Variants in GLB1L3 observed in about 807,000 individuals in gnomAD.
GLB1L3 encodes beta-galactosidase-1-like protein 3.
In GLB1L3, 89 loss-of-function variants were observed where a neutral mutation model predicts 89.5. That is an observed-to-expected ratio of 0.99 (90% CI 0.84 to 1.19). GLB1L3 has a LOEUF of 1.19. GLB1L3 is among the 50% of genes most tolerant of loss of function. The probability of loss-of-function intolerance (pLI) is 0.00; values close to 1 mark genes in which losing one functional copy is unlikely to be tolerated. For missense variants in GLB1L3, 812 were observed against 813.3 expected, an observed-to-expected ratio of 1.00 and a Z score of 0.02; for synonymous variants, 314 against 312.3, an observed-to-expected ratio of 1.01 and a Z score of -0.06.
intron 8 of GLB1L3, chr11:134,292,882 A>G: frequency 1.8e-6 from 1 of 549,626 alleles, no homozygotes; most frequent in South Asian, 2.1e-5. Flanking sequence ...CAGTCTAATC[A>G]TGTCAGGGAG....
At chr11:134,279,592 C>T (rs1940575304) in intron 3 of GLB1L3, among the ~76,000 whole-genome samples, 2 of 152,050 alleles carry the variant, frequency 1.3e-5, no homozygotes, top group African/African-American at 4.8e-5. Flanking sequence ...TCTCAAACTC[C>T]TGACCTCAGG....
intron 10 of GLB1L3, among the ~76,000 whole-genome samples, chr11:134,309,193 T>G (rs1942593932): frequency 6.6e-6 from 1 of 152,198 alleles, no homozygotes; most frequent in African/African-American, 2.4e-5. Context: ...AGAGTCAAAT[T>G]ATGTCAATAT....
At chr11:134,312,327 C>T in intron 13 of GLB1L3, 22 bp from the exon 14 acceptor site, 1 of 1,611,898 alleles carries the variant, frequency 6.2e-7, no homozygotes, top group Non-Finnish European at 8.5e-7. Flanking sequence ...TGGACTTCTG[C>T]TCTTGCCATT....
At chr11:134,317,163 T>C (rs1029816235) in intron 18 of GLB1L3, 5 of 152,326 alleles carry the variant, frequency 3.3e-5, no homozygotes, top group South Asian at 2.1e-4. Flanking sequence ...AGGACTTCCT[T>C]TAGCACTTCT....
chr11:134,307,096 C>T, intron 9 of GLB1L3, 28 bp from the exon 10 acceptor site: 1 of 1,571,038 alleles, frequency 6.4e-7, no homozygotes, highest in Non-Finnish European at 8.7e-7. Context: ...TTTTGCCAGA[C>T]TTAGTATTTG....
chr11:134,290,167 GTTCAGCCAGCATTATTTAATCGGTTGTA>G (rs1296124614), intron 7 of GLB1L3, among the ~76,000 whole-genome samples: 1,719 of 152,028 alleles, frequency 0.011, 27 homozygotes, highest in Non-Finnish European at 0.016. Context: ...CATCGGTTGT[GTTCAGCCAGCATTATTTAATCGGTTGTA>G]TTCAGCCAGC....
chr11:134,297,864 A>AG, intron 9 of GLB1L3, among the ~76,000 whole-genome samples: 3 of 127,694 alleles, frequency 2.3e-5, no homozygotes, highest in Admixed American at 9.5e-5. Flanking sequence ...TGTCTCAAAA[A>AG]AAAAAAAAAA....
Position 134,281,420 on chromosome 11 carries a change from G to A in GLB1L3, c.406G>A (p.Asp136Asn). The A allele has an allele frequency of 1.2e-6, 2 of 1,614,042 alleles. No individual in the cohort carries two copies. The highest frequency in any genetic ancestry group is 1.7e-6 in the Non-Finnish European group (2 of 1,179,988). Residue 136 changes from aspartate (D) to asparagine (N), a missense_variant, in exon 4 of 20, where the codon GAC becomes AAC. Physicochemically the swap from Asp to Asn is conservative, Grantham distance 23. Coordinates refer to ENST00000431683, the MANE Select transcript of GLB1L3 (RefSeq NM_001080407.3). ...NLHEPERGKF[D>N]FSGNLDLEAF... The stretch of plus-strand genomic sequence containing the variant: ...GCATGAGCCAGAAAGAGGCAAATTT[G>A]ACTTCTCTGGGAACCTGGACCTGGA...
At chr11:134,307,262 G>A in intron 10 of GLB1L3, 54 bp downstream of exon 10, 1 of 1,281,116 alleles carries the variant, frequency 7.8e-7, no homozygotes, top group South Asian at 1.3e-5. Context: ...GGTCCCATGA[G>A]AACTCATTCA....
intron 6 of GLB1L3, among the ~76,000 whole-genome samples, chr11:134,284,744 A>AC (rs1463879212): frequency 6.6e-6 from 1 of 151,760 alleles, no homozygotes; most frequent in African/African-American, 2.4e-5. Flanking sequence ...ACAAAACGAA[A>AC]CAAAAAAACA....
At chr11:134,291,638 A>T (rs1213557072) in intron 7 of GLB1L3, among the ~76,000 whole-genome samples, 1 of 152,204 alleles carries the variant, frequency 6.6e-6, no homozygotes, top group Non-Finnish European at 1.5e-5. Context: ...GGAAATAATG[A>T]TGAGAAAAAT....
downstream of GLB1L3, chr11:134,319,706 C>CTG (rs1943129415): frequency 7.0e-6 from 1 of 142,328 alleles, no homozygotes; most frequent in Admixed American, 7.2e-5. Context: ...CTCTCTCTCT[C>CTG]TCTCTCTCTC....
chr11:134,297,876 AAAAG>A (rs71038575), intron 9 of GLB1L3, among the ~76,000 whole-genome samples: 5 of 110,840 alleles, frequency 4.5e-5, no homozygotes, highest in South Asian at 3.0e-4. Flanking sequence ...AAAAAAAAAA[AAAAG>A]AAAGAAAGAG....
chr11:134,315,691 A>G (rs941464009), intron 18 of GLB1L3, among the ~76,000 whole-genome samples: 1 of 152,122 alleles, frequency 6.6e-6, no homozygotes, highest in Admixed American at 6.5e-5. Context: ...TTTCTTGATA[A>G]TTCTCACCAG....
intron 17 of GLB1L3, 84 bp downstream of exon 17, chr11:134,314,112 CA>C: frequency 2.1e-6 from 2 of 962,154 alleles, no homozygotes; most frequent in South Asian, 2.8e-5. Flanking sequence ...ATAAAGAGTC[CA>C]AGATAGAGAC....
At chr11:134,311,471 A>C in intron 13 of GLB1L3, 2 of 238,686 alleles carry the variant, frequency 8.4e-6, no homozygotes, top group East Asian at 9.5e-5. Flanking sequence ...CACGTAGGAA[A>C]AGCTGCTGAG....
chr11:134,303,095 G>T (rs1011559190), intron 9 of GLB1L3, among the ~76,000 whole-genome samples: 1 of 152,110 alleles, frequency 6.6e-6, no homozygotes, highest in Non-Finnish European at 1.5e-5. Flanking sequence ...CATCCTGTTT[G>T]TATGCAGTAT....
Position 134,276,697 on chromosome 11 carries a change from G to A in GLB1L3, c.-44G>A. The A allele has an allele frequency of 1.4e-6, 2 of 1,419,352 alleles. No homozygotes were observed. The highest frequency in any genetic ancestry group is 1.8e-6 in the Non-Finnish European group (2 of 1,086,236). 87.9% of individuals were successfully genotyped at this position (1,419,352 alleles called of 1,614,324 possible). A position where few individuals can be genotyped will look rare whatever the true frequency, so the allele number is the denominator to read the frequency against. ...GCGCGGCGTCGGGGCCAGCGGAGAG[G>A]GGCGGAAGCCGCAAGGGACCCTCGG... On this transcript the variant is annotated 5_prime_UTR_variant, in exon 1 of 20. Transcript: ENST00000431683.
chr11:134,280,193 A>C (rs968904460), intron 3 of GLB1L3, among the ~76,000 whole-genome samples: 1 of 151,202 alleles, frequency 6.6e-6, no homozygotes, highest in Non-Finnish European at 1.5e-5. Context: ...ATTTATTTAA[A>C]TTTTACTATT....
Sources: gnomAD v4.1 joint callset for allele counts (sites outside exome capture counted in the v4.1 genomes callset) on GRCh38, gnomAD v4.1.1 for gene constraint, MANE v1.5 for transcripts, NCBI Gene and HGNC (gene_info 2026-07-23, HGNC 2026-07-21) for gene names.